Variants in KIF5B observed in about 807,000 individuals in gnomAD.
KIF5B encodes kinesin-1 heavy chain.
KIF5B carries 49 observed loss-of-function variants against 132.8 expected under a neutral mutation model. The observed-to-expected ratio is 0.37, with a 90% confidence interval of 0.29 to 0.47. The LOEUF (loss-of-function observed/expected upper bound fraction) is 0.47, where lower values mean the gene tolerates loss of function less well. Among genes scored for constraint, KIF5B ranks in the 20% least tolerant of loss-of-function variants. The pLI is 1.00. For missense variants in KIF5B, 780 were observed against 1,144.0 expected (o/e 0.68, Z 4.59); for synonymous variants, 355 against 369.4 (o/e 0.96, Z 0.45).
intron 1 of KIF5B, among the ~76,000 whole-genome samples, chr10:32,048,905 G>C (rs1841651110): frequency 6.6e-6 from 1 of 152,106 alleles, no homozygotes; most frequent in Non-Finnish European, 1.5e-5. Flanking sequence ...TCTCGGTTCT[G>C]TCACCCAGGC....
In KIF5B at chr10:32,025,259, G is replaced by T. The variant is rs144340154; in HGVS notation, c.1726-2223C>A. Among the ~76,000 whole-genome samples the T allele has an allele frequency of 7.3e-4, 111 of 152,336 alleles. 1 individual carries two copies. Among genetic ancestry groups the T allele is most frequent in the African/African-American group, 2.4e-3 (101 of 41,566 alleles). Reference sequence around the variant, plus strand: ...GCAAAATGTTTCCACCACTTTGGAAGACCATTTGGGAGTTCCTTACAAAGC... The same window carrying T: ...GCAAAATGTTTCCACCACTTTGGAATACCATTTGGGAGTTCCTTACAAAGC... On this transcript the variant is annotated intron_variant, in intron 15 of 25. Transcript: ENST00000302418.
chr10:32,055,708 A>G, intron 1 of KIF5B, 140 bp downstream of exon 1: 1 of 1,165,020 alleles, frequency 8.6e-7, no homozygotes, highest in South Asian at 1.5e-5. Context: ...CCACTGGGTT[A>G]TCTGAACCGG....
chr10:32,019,182 A>AT (rs1453863236), intron 20 of KIF5B, among the ~76,000 whole-genome samples: 1 of 152,252 alleles, frequency 6.6e-6, no homozygotes, highest in African/African-American at 2.4e-5. Context: ...CTGATTAATT[A>AT]TAGATTATAA....
chr10:32,015,868 G>A (rs1443642553), intron 24 of KIF5B, among the ~76,000 whole-genome samples: 4 of 152,128 alleles, frequency 2.6e-5, no homozygotes, highest in Non-Finnish European at 5.9e-5. Flanking sequence ...CTGGCCAGGC[G>A]TAGTGGCTCA....
intron 14 of KIF5B, 130 bp from the exon 15 acceptor site, chr10:32,028,701 G>T: frequency 1.4e-6 from 1 of 733,206 alleles, no homozygotes; most frequent in Admixed American, 3.2e-5. Flanking sequence ...CATTTTTCTT[G>T]AACTATCTAC....
In KIF5B at chr10:32,038,156, T is replaced by C. The variant is rs1276000318; in HGVS notation, c.498+7A>G. On this transcript the variant is annotated splice_region_variant and intron_variant, in intron 6 of 25. Transcript: ENST00000302418. Reference sequence around the variant, plus strand: ...CAGGGTTTTCTAGACAACTGTACTATAAATACCTTTACATAGGGAACTCGG... The same window carrying C: ...CAGGGTTTTCTAGACAACTGTACTACAAATACCTTTACATAGGGAACTCGG... 3.2e-5 allele frequency: 49 copies of C among 1,549,138 alleles called. No homozygotes were observed. Among genetic ancestry groups the C allele is most frequent in the Non-Finnish European group, 3.8e-5 (43 of 1,124,970 alleles).
intron 20 of KIF5B, 113 bp downstream of exon 20, chr10:32,019,745 C>T: frequency 1.6e-6 from 1 of 621,078 alleles, no homozygotes; most frequent in South Asian, 2.4e-5. Context: ...AAGAAAAAAT[C>T]CTTTAGCCCA....
At position 32,018,553 on chromosome 10, in the gene KIF5B, T is replaced by C. The variant is rs1290633845; in HGVS notation, c.2316A>G (p.Gln772=). 2 of 1,612,460 alleles carry C rather than the reference T, an allele frequency of 1.2e-6. No individual in the cohort carries two copies. The highest frequency in any genetic ancestry group is 1.7e-6 in the Non-Finnish European group (2 of 1,178,920). The change falls in exon 21 of 26, where the codon CAA becomes CAG. Residue 772 remains glutamine, a synonymous_variant. Coordinates refer to ENST00000302418, the MANE Select transcript of KIF5B (RefSeq NM_004521.3). The stretch of plus-strand genomic sequence containing the variant: ...CTTGTCTTGCTTGTTCTCGTCTATC[T>C]TGCATAACCCTAACAGTAGAAGAAC... ...SRKLHELTVM[Q]DRREQARQDL...
rs924733052 is a variant in KIF5B at position 32,034,044 on chromosome 10, A to T, written c.1112-6T>A. ...ATCAATAGGCACCGTCTCCCCTAAA[A>T]TAAGAAAATAAAGTGGTTAATAAAA... On this transcript the variant is annotated splice_region_variant and splice_polypyrimidine_tract_variant and intron_variant, in intron 11 of 25. Coordinates refer to ENST00000302418, the MANE Select transcript of KIF5B (RefSeq NM_004521.3). The T allele has an allele frequency of 1.3e-6, 2 of 1,528,422 alleles. No homozygotes were observed. Among genetic ancestry groups the T allele is most frequent in the Non-Finnish European group, 8.8e-7 (1 of 1,138,396 alleles). 94.7% of individuals were successfully genotyped at this position (1,528,422 alleles called of 1,614,324 possible).
intron 24 of KIF5B, among the ~76,000 whole-genome samples, chr10:32,016,066 C>G (rs941493161): frequency 2.8e-4 from 43 of 152,034 alleles, no homozygotes; most frequent in Non-Finnish European, 4.7e-4. Context: ...ATTGCATGAC[C>G]CTGGGAGGCT....
At chr10:32,017,092 GA>G in intron 24 of KIF5B, 50 bp downstream of exon 24, 1 of 1,438,036 alleles carries the variant, frequency 7.0e-7, no homozygotes, top group South Asian at 1.1e-5. Flanking sequence ...TCCACTAAAT[GA>G]AAGCATTCAA....
At chr10:32,044,215 C>T (rs1174915398) in intron 2 of KIF5B, among the ~76,000 whole-genome samples, 2 of 152,196 alleles carry the variant, frequency 1.3e-5, no homozygotes, top group African/African-American at 4.8e-5. Context: ...GTGATACTGA[C>T]ATAAATTACA....
In KIF5B at chr10:32,032,640, C is replaced by G. The variant is rs1841416040; in HGVS notation, c.1374+66G>C. ...ATTATACAACTATTAAAGACAAAGT[C>G]AATGGGATTCAGAAAACAAAACTAT... is the stretch of plus-strand genomic sequence containing the variant. On this transcript the variant is annotated intron_variant, in intron 13 of 25. Transcript: ENST00000302418. 6.5e-6 allele frequency: 8 copies of G among 1,226,832 alleles called. No individual in the cohort carries two copies. In the Admixed American group the frequency reaches 8.4e-5, roughly 13 times the overall value. The allele number at this position is 1,226,832 out of a possible 1,614,324, so 76.0% of individuals were successfully genotyped here.
intron 13 of KIF5B, among the ~76,000 whole-genome samples, 155 bp from the exon 14 acceptor site, chr10:32,031,434 A>T (rs73255599): frequency 6.6e-6 from 1 of 152,324 alleles, no homozygotes; most frequent in African/African-American, 2.4e-5. Flanking sequence ...CTAAATGTCA[A>T]CTATGTGCAG....
In KIF5B at chr10:32,040,461, T is replaced by C; in HGVS notation, c.215-4A>G. 1 of 1,540,626 alleles carries C rather than the reference T, an allele frequency of 6.5e-7. No individual in the cohort carries two copies. The highest frequency in any genetic ancestry group is 9.0e-7 in the Non-Finnish European group (1 of 1,113,590). The stretch of plus-strand genomic sequence containing the variant: ...CCATTATATCCTTCAAGTACATCTA[T>C]GAGAAAAGATTTTATAGTTCAGGGG... On this transcript the variant is annotated splice_polypyrimidine_tract_variant and splice_region_variant and intron_variant, in intron 2 of 25. Coordinates refer to ENST00000302418, the MANE Select transcript of KIF5B (RefSeq NM_004521.3).
chr10:32,017,319 T>A lies in KIF5B; in HGVS notation c.2585A>T (p.Lys862Met). 6.2e-7 allele frequency: 1 copy of A among 1,614,174 alleles called. No homozygotes were observed. Among genetic ancestry groups the A allele is most frequent in the Non-Finnish European group, 8.5e-7 (1 of 1,180,028 alleles). Residue 862 changes from lysine (K) to methionine (M), a missense_variant, in exon 24 of 26, where the codon AAG becomes ATG. Coordinates refer to ENST00000302418, the MANE Select transcript of KIF5B (RefSeq NM_004521.3). ...TGTAGCTCGAAGTCGCTTTTCCAAC[T>A]TAGGAAGTTCACAGCGGAGATCTGC... ...DNADLRCELP[K>M]LEKRLRATAE...
chr10:32,050,352 G>C (rs1412848161), intron 1 of KIF5B, among the ~76,000 whole-genome samples: 1 of 152,178 alleles, frequency 6.6e-6, no homozygotes, highest in Non-Finnish European at 1.5e-5. Context: ...ACATGACCAA[G>C]CTCTGAATAA....
At position 32,048,530 on chromosome 10, in the gene KIF5B, G is replaced by A. The variant is rs754327698; in HGVS notation, c.148C>T (p.Arg50Trp). 4.3e-6 allele frequency: 7 copies of A among 1,613,328 alleles called. No individual in the cohort carries two copies. Among genetic ancestry groups the A allele is most frequent in the East Asian group, 2.2e-5 (1 of 44,798 alleles). The change falls in exon 2 of 26, where the codon CGG becomes TGG. Residue 50 changes from arginine to tryptophan, a missense_variant. By Grantham distance (101) the Arg-to-Trp change is moderately radical. Transcript: ENST00000302418. ...TGAGATGTGCTTGACTGGAACACCC[G>A]ATCAAATGCATAAGGCTTGGACTGA... is the stretch of plus-strand genomic sequence containing the variant. ...VIASKPYAFD[R>W]VFQSSTSQEQ...
intron 2 of KIF5B, among the ~76,000 whole-genome samples, chr10:32,040,704 G>A (rs559270961): frequency 1.3e-5 from 2 of 151,246 alleles, no homozygotes; most frequent in East Asian, 3.9e-4. Context: ...ATAAAATATT[G>A]TGGGAGTGGC....
Sources: allele counts gnomAD v4.1 joint callset (sites outside exome capture counted in the v4.1 genomes callset), GRCh38; gene constraint gnomAD v4.1.1; transcripts MANE v1.5; gene names NCBI Gene and HGNC (gene_info 2026-07-23, HGNC 2026-07-21).